The following PLAAT5 variants were observed in gnomAD, a reference collection of about 807,000 sequenced individuals.
The protein encoded by PLAAT5 is phospholipase A and acyltransferase 5, also known as Ca(2+)-independent N-acyltransferase.
A neutral mutation model predicts 27.8 loss-of-function variants in PLAAT5; 27 were observed. That is an observed-to-expected ratio of 0.97 (90% CI 0.72 to 1.34). PLAAT5 has a LOEUF of 1.34. Among genes scored for constraint, PLAAT5 ranks in the 40% most tolerant of loss-of-function variants. The probability of loss-of-function intolerance (pLI) is 0.00; values close to 1 mark genes in which losing one functional copy is unlikely to be tolerated. For missense variants in PLAAT5, 368 were observed against 343.8 expected, an observed-to-expected ratio of 1.07 and a Z score of -0.56; for synonymous variants, 125 against 136.1, an observed-to-expected ratio of 0.92 and a Z score of 0.57.
chr11:63,466,477 C>CCTTCTACTGATGGTGCCA, intron 4 of PLAAT5, 105 bp from the exon 5 acceptor site: 3 of 1,163,038 alleles, frequency 2.6e-6, no homozygotes, highest in Non-Finnish European at 3.6e-6. Flanking sequence ...TCATTGGCAC[C>CCTTCTACTGATGGTGCCA]ATCAGTAGAA....
At chr11:63,469,124 G>GTA (rs1266114925) in intron 3 of PLAAT5, among the ~76,000 whole-genome samples, 1 of 145,774 alleles carries the variant, frequency 6.9e-6, no homozygotes, top group Non-Finnish European at 1.5e-5. Context: ...GTGTGTGTGT[G>GTA]TGTGTGTGTG....
At position 63,461,837 on chromosome 11, in the gene PLAAT5, G is replaced by A. The variant is rs181916991; in HGVS notation, c.*1666C>T. ...GCTCAGGCAAAGGTGGGAGTAGCCA[G>A]GGTTTGGCACTTGGGAGACACTCAA... On this transcript the variant is annotated 3_prime_UTR_variant, in exon 6 of 6. Coordinates refer to ENST00000540857, the MANE Select transcript of PLAAT5 (RefSeq NM_001146729.2). 72 of 152,316 alleles carry A rather than the reference G, an allele frequency of 4.7e-4. No homozygotes were observed. The highest frequency in any genetic ancestry group is 1.4e-3 in the African/African-American group (57 of 41,556). 9.4% of individuals were successfully genotyped at this position (152,316 alleles called of 1,614,324 possible).
At position 63,468,347 on chromosome 11, in the gene PLAAT5, T is replaced by C. The variant is rs1184458534; in HGVS notation, c.454+10A>G. ...CAATATCAGTATTTCAATAGACTAT[T>C]CACTCTTACTTGGGGGAGCCAGATG... On this transcript the variant is annotated intron_variant, in intron 4 of 5. Coordinates refer to ENST00000540857, the MANE Select transcript of PLAAT5 (RefSeq NM_001146729.2). The C allele has an allele frequency of 6.3e-7, 1 of 1,577,696 alleles. No homozygotes were observed. Among genetic ancestry groups the C allele is most frequent in the African/African-American group, 1.3e-5 (1 of 74,156 alleles).
rs375158196 is a variant in PLAAT5 at position 63,468,419 on chromosome 11, A to G, written c.392T>C (p.Ile131Thr). ...RPGDLIEIFR[I>T]GYEHWAIYVE... ...ATAGATGGCCCAGTGCTCATAGCCA[A>G]TTCGAAAAATCTCAATCAGGTCTCC... Residue 131 changes from isoleucine (I) to threonine (T), a missense_variant, in exon 4 of 6, where the codon ATT becomes ACT. Coordinates refer to ENST00000540857, the MANE Select transcript of PLAAT5 (RefSeq NM_001146729.2). 2.9e-4 allele frequency: 468 copies of G among 1,614,058 alleles called. 1 individual carries two copies. Among genetic ancestry groups the G allele is most frequent in the Non-Finnish European group, 3.8e-4 (445 of 1,180,024 alleles).
chr11:63,466,191 CTTG>C lies in PLAAT5; in HGVS notation c.633_635del (p.Asn211del). ...CTTCAATCAGGCTGTACTGCACGAT[CTTG>C]TTGACCATCTTTTTTGTACGCTGGA... On this transcript the variant is annotated inframe_deletion, in exon 5 of 6. Coordinates refer to ENST00000540857, the MANE Select transcript of PLAAT5 (RefSeq NM_001146729.2). The C allele has an allele frequency of 6.2e-7, 1 of 1,614,150 alleles. No individual in the cohort carries two copies. Among genetic ancestry groups the C allele is most frequent in the Non-Finnish European group, 8.5e-7 (1 of 1,180,026 alleles).
chr11:63,483,831 A>ATATG (rs1555028282), intron 3 of PLAAT5, among the ~76,000 whole-genome samples: 3 of 121,800 alleles, frequency 2.5e-5, no homozygotes, highest in Non-Finnish European at 5.4e-5. Context: ...ATATATATAT[A>ATATG]TATATATATA....
intron 3 of PLAAT5, among the ~76,000 whole-genome samples, chr11:63,481,065 C>T (rs1289418285): frequency 6.6e-6 from 1 of 152,152 alleles, no homozygotes; most frequent in African/African-American, 2.4e-5. Flanking sequence ...GAGCATTTTT[C>T]ATCCATATGC....
chr11:63,488,727 G>T, intron 3 of PLAAT5, 144 bp downstream of exon 3: 24 of 420,194 alleles, frequency 5.7e-5, no homozygotes, highest in East Asian at 1.2e-4. Context: ...TGTATTTTAT[G>T]TGTGGCCCAA....
chr11:63,486,674 G>T (rs2016441879), intron 3 of PLAAT5, among the ~76,000 whole-genome samples: 1 of 152,094 alleles, frequency 6.6e-6, no homozygotes, highest in Non-Finnish European at 1.5e-5. Context: ...GGGTGGGAGT[G>T]GGGTGAGGGA....
intron 3 of PLAAT5, among the ~76,000 whole-genome samples, chr11:63,478,921 C>T (rs767894269): frequency 2.1e-4 from 32 of 152,236 alleles, no homozygotes; most frequent in Non-Finnish European, 3.2e-4. Context: ...GAACTACTCC[C>T]TTGCCCCTGC....
rs1282895069 is a variant in PLAAT5, at chr11:63,461,727, G to C, written c.*1776C>G. 3.3e-5 allele frequency: 5 copies of C among 152,174 alleles called. No individual in the cohort carries two copies. The highest frequency in any genetic ancestry group is 1.2e-4 in the African/African-American group (5 of 41,426). 9.4% of individuals were successfully genotyped at this position (152,174 alleles called of 1,614,324 possible). On this transcript the variant is annotated 3_prime_UTR_variant, in exon 6 of 6. Coordinates refer to ENST00000540857, the MANE Select transcript of PLAAT5 (RefSeq NM_001146729.2). ...GGAAGGGACCAATGTCCAGCAAGTG[G>C]ACTTTGCCCCATGTCCATTGTGCCT...
chr11:63,483,314 C>A (rs1217376563), intron 3 of PLAAT5, among the ~76,000 whole-genome samples: 1 of 152,084 alleles, frequency 6.6e-6, no homozygotes, highest in Admixed American at 6.6e-5. Flanking sequence ...ACATTCTTTT[C>A]ATCAGCACAT....
At chr11:63,488,550 T>A (rs2016489919) in intron 3 of PLAAT5, among the ~76,000 whole-genome samples, 1 of 152,222 alleles carries the variant, frequency 6.6e-6, no homozygotes, top group Non-Finnish European at 1.5e-5. Flanking sequence ...GGATATTTAT[T>A]AGACCATCTA....
chr11:63,483,824 T>TAC (rs1316443500), intron 3 of PLAAT5, among the ~76,000 whole-genome samples: 28 of 109,168 alleles, frequency 2.6e-4, no homozygotes, highest in Admixed American at 1.2e-3. Flanking sequence ...TATATATATA[T>TAC]ATATATATAT....
chr11:63,472,923 G>A (rs1177747489), intron 3 of PLAAT5, among the ~76,000 whole-genome samples: 1 of 151,932 alleles, frequency 6.6e-6, no homozygotes, highest in Non-Finnish European at 1.5e-5. Context: ...GGGCAACATG[G>A]TGAAACCCCA....
In PLAAT5 at chr11:63,490,327, G is replaced by C; in HGVS notation, c.155C>G (p.Ser52Cys). Residue 52 changes from serine to cysteine, a missense_variant, in exon 2 of 6, where the codon TCC (serine) becomes TGC (cysteine). Physicochemically the swap from Ser to Cys is moderately radical, Grantham distance 112. Coordinates refer to ENST00000540857, the MANE Select transcript of PLAAT5 (RefSeq NM_001146729.2). ...RRSAVPHSEE[S>C]VGFAALVQLP... The stretch of plus-strand genomic sequence containing the variant: ...CTGGACCAACGCTGCGAATCCCACG[G>C]ATTCTTCTAATTCAAGGGGGGAAAT... 1 of 1,614,178 alleles carries C rather than the reference G, an allele frequency of 6.2e-7. No homozygotes were observed. Among genetic ancestry groups the C allele is most frequent in the Non-Finnish European group, 8.5e-7 (1 of 1,180,012 alleles).
In PLAAT5 at chr11:63,462,712, C is replaced by T. The variant is rs2015749929; in HGVS notation, c.*791G>A. ...TCCATCCTGTCAACTTTCTTCAAAA[C>T]ACAAAAATAACTCCTTTCTCTCCCT... On this transcript the variant is annotated 3_prime_UTR_variant, in exon 6 of 6. Coordinates refer to ENST00000540857, the MANE Select transcript of PLAAT5 (RefSeq NM_001146729.2). 1 of 152,118 alleles carries T rather than the reference C, an allele frequency of 6.6e-6. No homozygotes were observed. The highest frequency in any genetic ancestry group is 1.5e-5 in the Non-Finnish European group (1 of 68,026). 9.4% of individuals were successfully genotyped at this position (152,118 alleles called of 1,614,324 possible). A position where few individuals can be genotyped will look rare whatever the true frequency, so the allele number is the denominator to read the frequency against.
At chr11:63,489,002 T>A (rs372516463) in intron 2 of PLAAT5, 26 bp from the exon 3 acceptor site, 2 of 1,420,784 alleles carry the variant, frequency 1.4e-6, no homozygotes, top group East Asian at 4.6e-5. Context: ...ATCACAAAGT[T>A]AACAAATATC....
intron 3 of PLAAT5, among the ~76,000 whole-genome samples, chr11:63,483,823 A>ATATATATATATGTG (rs1565215343): frequency 8.7e-5 from 10 of 115,374 alleles, no homozygotes; most frequent in African/African-American, 2.7e-4. Context: ...ATATATATAT[A>ATATATATATATGTG]TATATATATA....
Sources: allele counts gnomAD v4.1 joint callset (sites outside exome capture counted in the v4.1 genomes callset), GRCh38; gene constraint gnomAD v4.1.1; transcripts MANE v1.5; gene names NCBI Gene and HGNC (gene_info 2026-07-23, HGNC 2026-07-21).